Variants in TMTC2 observed in about 807,000 individuals in gnomAD.
TMTC2 encodes transmembrane O-mannosyltransferase targeting cadherins 2, also known as protein O-mannosyl-transferase TMTC2.
TMTC2 carries 43 observed loss-of-function variants against 82.4 expected under a neutral mutation model. The ratio of observed to expected loss-of-function variants is 0.52; its 90% CI spans 0.41 to 0.67. The LOEUF (loss-of-function observed/expected upper bound fraction) is 0.67, where lower values mean the gene tolerates loss of function less well. Ranked by LOEUF, TMTC2 falls within the 30% of genes least tolerant of loss-of-function variation. The pLI is 0.00. For missense variants in TMTC2, 919 were observed against 1,012.4 expected (o/e 0.91, Z 1.25); for synonymous variants, 408 against 381.9 (o/e 1.07, Z -0.80).
At chr12:82,964,528 A>C (rs990021860) in intron 4 of TMTC2, among the ~76,000 whole-genome samples, 5 of 152,104 alleles carry the variant, frequency 3.3e-5, no homozygotes, top group African/African-American at 1.2e-4. Flanking sequence ...CGTCTGATTA[A>C]ACTGTGACTC....
intron 1 of TMTC2, among the ~76,000 whole-genome samples, chr12:82,720,258 C>T (rs1251832014): frequency 2.6e-5 from 4 of 152,094 alleles, no homozygotes; most frequent in African/African-American, 9.7e-5. Context: ...TCTGCAACCA[C>T]GAATATACTG....
intron 4 of TMTC2, among the ~76,000 whole-genome samples, chr12:82,950,900 G>C (rs1376525214): frequency 1.3e-5 from 2 of 152,200 alleles, no homozygotes; most frequent in Non-Finnish European, 2.9e-5. Context: ...AAGTCATTTA[G>C]ATTGAATGCC....
chr12:82,796,958 C>A (rs1271861673), intron 1 of TMTC2, among the ~76,000 whole-genome samples: 1 of 152,034 alleles, frequency 6.6e-6, no homozygotes, highest in Non-Finnish European at 1.5e-5. Flanking sequence ...ATAATCAGCT[C>A]AAAATAAAAG....
intron 1 of TMTC2, among the ~76,000 whole-genome samples, chr12:82,847,118 A>C (rs1592570584): frequency 6.6e-6 from 1 of 152,158 alleles, no homozygotes; most frequent in East Asian, 1.9e-4. Flanking sequence ...CTCTTACCCT[A>C]TTAGCCAAGT....
intron 1 of TMTC2, among the ~76,000 whole-genome samples, chr12:82,698,844 G>A (rs539040824): frequency 6.6e-6 from 1 of 152,278 alleles, no homozygotes; most frequent in East Asian, 1.9e-4. Context: ...TTAACCGAGA[G>A]CTATTAAGTG....
At chr12:82,695,870 G>A (rs1402687533) in intron 1 of TMTC2, among the ~76,000 whole-genome samples, 2 of 152,242 alleles carry the variant, frequency 1.3e-5, no homozygotes, top group Non-Finnish European at 2.9e-5. Context: ...TTAGCCTATA[G>A]TGGTTCCTCT....
chr12:82,819,301 C>T (rs544353844), intron 1 of TMTC2, among the ~76,000 whole-genome samples: 3 of 152,036 alleles, frequency 2.0e-5, no homozygotes, highest in African/African-American at 7.2e-5. Context: ...ACTCGAATTG[C>T]TCTTATAATG....
intron 1 of TMTC2, among the ~76,000 whole-genome samples, chr12:82,847,230 A>C (rs1015687594): frequency 6.6e-6 from 1 of 152,204 alleles, no homozygotes; most frequent in Non-Finnish European, 1.5e-5. Context: ...TGCCAAAGAC[A>C]TGTGGCTAAG....
chr12:83,126,810 T>C (rs1885110834), intron 11 of TMTC2, among the ~76,000 whole-genome samples: 1 of 152,106 alleles, frequency 6.6e-6, no homozygotes, highest in Non-Finnish European at 1.5e-5. Context: ...CTTTTTTTTT[T>C]CCTGAAGCTT....
intron 3 of TMTC2, among the ~76,000 whole-genome samples, chr12:82,925,906 TAGTG>T (rs1875678714): frequency 6.6e-6 from 1 of 152,120 alleles, no homozygotes; most frequent in African/African-American, 2.4e-5. Context: ...TGATTAAACT[TAGTG>T]AGGAACACAT....
In TMTC2 at chr12:82,908,514, G is replaced by T. The variant is rs1395691553; in HGVS notation, c.1483+11868G>T. Reference sequence around the variant, plus strand: ...GATTTTCTAATGTTGAACCTGTTTTGCATTCCTAGATTAAGCCCAGGAATT... The same window carrying T: ...GATTTTCTAATGTTGAACCTGTTTTTCATTCCTAGATTAAGCCCAGGAATT... On this transcript the variant is annotated intron_variant, in intron 3 of 11. Coordinates refer to ENST00000321196, the MANE Select transcript of TMTC2 (RefSeq NM_152588.3). Among the ~76,000 whole-genome samples the T allele has an allele frequency of 2.6e-5, 4 of 151,936 alleles. No individual in the cohort carries two copies. The East Asian group carries it at 7.7e-4, about 29-fold the overall frequency.
chr12:82,891,508 A>G (rs1057003120), intron 2 of TMTC2, among the ~76,000 whole-genome samples: 2 of 151,974 alleles, frequency 1.3e-5, no homozygotes, highest in Non-Finnish European at 2.9e-5. Flanking sequence ...GGGTTTCTCC[A>G]TGTTGGTCAG....
At chr12:82,938,857 C>A (rs1876551239) in intron 4 of TMTC2, among the ~76,000 whole-genome samples, 1 of 152,166 alleles carries the variant, frequency 6.6e-6, no homozygotes, top group East Asian at 1.9e-4. Flanking sequence ...TTGCATTCCT[C>A]ATGTCCTTTT....
At chr12:83,126,965 T>G (rs2137569185) in intron 11 of TMTC2, among the ~76,000 whole-genome samples, 1 of 152,290 alleles carries the variant, frequency 6.6e-6, no homozygotes, top group Non-Finnish European at 1.5e-5. Flanking sequence ...CTATTCATTT[T>G]TAAGCATCAT....
At chr12:83,092,430 G>T (rs1005397595) in intron 11 of TMTC2, among the ~76,000 whole-genome samples, 1 of 152,152 alleles carries the variant, frequency 6.6e-6, no homozygotes, top group African/African-American at 2.4e-5. Flanking sequence ...TTTTATGGAA[G>T]GTACACATAT....
intron 9 of TMTC2, among the ~76,000 whole-genome samples, chr12:83,040,291 T>C (rs1434772541): frequency 6.6e-6 from 1 of 152,180 alleles, no homozygotes. Flanking sequence ...CTTGTGGGTC[T>C]CCAGTGGTGA....
intron 3 of TMTC2, among the ~76,000 whole-genome samples, chr12:82,913,385 G>A (rs1874812638): frequency 6.6e-6 from 1 of 152,118 alleles, no homozygotes; most frequent in South Asian, 2.1e-4. Context: ...GCCTGGAGCA[G>A]ACATTTACTT....
chr12:82,827,330 C>T (rs1416204161), intron 1 of TMTC2, among the ~76,000 whole-genome samples: 1 of 152,184 alleles, frequency 6.6e-6, no homozygotes, highest in East Asian at 1.9e-4. Flanking sequence ...GCACCTACTC[C>T]TTGACAAGCA....
At chr12:83,100,478 G>T (rs1884181844) in intron 11 of TMTC2, among the ~76,000 whole-genome samples, 1 of 152,024 alleles carries the variant, frequency 6.6e-6, no homozygotes, top group Non-Finnish European at 1.5e-5. Flanking sequence ...GGTAGAAAAT[G>T]GTAAAGTGAG....
Sources: allele counts gnomAD v4.1 joint callset (sites outside exome capture counted in the v4.1 genomes callset), GRCh38; gene constraint gnomAD v4.1.1; transcripts MANE v1.5; gene names NCBI Gene and HGNC (gene_info 2026-07-23, HGNC 2026-07-21).